The following ANKRD36 variants were observed in gnomAD, a reference collection of about 807,000 sequenced individuals.
The protein encoded by ANKRD36 is ankyrin repeat domain-containing protein 36A.
ANKRD36 carries 179 observed loss-of-function variants against 278.1 expected under a neutral mutation model. That is an observed-to-expected ratio of 0.64 (90% confidence interval 0.57 to 0.73). The LOEUF (loss-of-function observed/expected upper bound fraction) is 0.73, where lower values mean the gene tolerates loss of function less well. Among genes scored for constraint, ANKRD36 ranks in the 30% least tolerant of loss-of-function variants. The probability of loss-of-function intolerance (pLI) is 0.00; values close to 1 mark genes in which losing one functional copy is unlikely to be tolerated. For synonymous variants in ANKRD36, 320 were observed against 641.1 expected, an observed-to-expected ratio of 0.50 and a Z score of 7.57; for missense variants, 1,159 against 1,956.7, an observed-to-expected ratio of 0.59 and a Z score of 7.69.
chr2:97,211,436 C>G lies in ANKRD36; in HGVS notation c.3368-110C>G, dbSNP rs952703406. 3.3e-6 allele frequency: 5 copies of G among 1,500,876 alleles called. No homozygotes were observed. In the African/African-American group the frequency reaches 4.2e-5, roughly 13 times the overall value. The allele number at this position is 1,500,876 out of a possible 1,614,324, so 93.0% of individuals were successfully genotyped here. A position where few individuals can be genotyped will look rare whatever the true frequency, so the allele number is the denominator to read the frequency against. ...GACACAAAGTAGAAGCCGTCAAGGCCTACACTAATACAGGCTGGGGGACAG... is the reference window on the plus strand; with the variant it reads ...GACACAAAGTAGAAGCCGTCAAGGCGTACACTAATACAGGCTGGGGGACAG... On this transcript the variant is annotated intron_variant, in intron 56 of 75. Transcript: ENST00000420699.
rs555487536 is a variant in ANKRD36, at chr2:97,160,722, T to C, written c.1390-1377T>C. On this transcript the variant is annotated intron_variant, in intron 17 of 75. Transcript: ENST00000420699. ...TCAGAAAACCATATGAACTTTAAAA[T>C]AGGTTTTACATTTCTCTCTTATATT... Among the ~76,000 whole-genome samples, 3 of 152,208 alleles carry C rather than the reference T, an allele frequency of 2.0e-5. 1 individual carries two copies. Among genetic ancestry groups the C allele is most frequent in the Admixed American group, 2.0e-4 (3 of 15,244 alleles).
chr2:97,204,601 T>G, intron 50 of ANKRD36, among the ~76,000 whole-genome samples: 1 of 151,228 alleles, frequency 6.6e-6, no homozygotes, highest in Non-Finnish European at 1.5e-5. Flanking sequence ...AGTATAGAAT[T>G]AACACACTTC....
intron 38 of ANKRD36, among the ~76,000 whole-genome samples, chr2:97,194,305 A>T (rs980947106): frequency 1.3e-5 from 2 of 151,672 alleles, no homozygotes; most frequent in African/African-American, 4.8e-5. Flanking sequence ...AAGAGCATGA[A>T]AAATGTTTGT....
At chr2:97,176,900 G>A (rs1361974413) in intron 22 of ANKRD36, among the ~76,000 whole-genome samples, 1 of 151,708 alleles carries the variant, frequency 6.6e-6, no homozygotes, top group Non-Finnish European at 1.5e-5. Context: ...AGTTTGGCTG[G>A]ATATGAAAAT....
At chr2:97,135,748 T>A (rs1320856734) in intron 6 of ANKRD36, among the ~76,000 whole-genome samples, 2 of 151,856 alleles carry the variant, frequency 1.3e-5, no homozygotes, top group Non-Finnish European at 2.9e-5. Context: ...ACGATTCACA[T>A]CTTGGGCAGA....
At chr2:97,120,480 A>G (rs1208420094) in intron 3 of ANKRD36, among the ~76,000 whole-genome samples, 1 of 142,542 alleles carries the variant, frequency 7.0e-6, no homozygotes, top group Non-Finnish European at 1.6e-5. Context: ...TAAAAAAATT[A>G]GGTTACAATA....
At chr2:97,219,774 C>G (rs2066911660) in intron 66 of ANKRD36, among the ~76,000 whole-genome samples, 2 of 137,400 alleles carry the variant, frequency 1.5e-5, no homozygotes, top group African/African-American at 5.9e-5. Context: ...AACCACCATG[C>G]CTGGCCTAAA....
At chr2:97,217,128 C>A in intron 62 of ANKRD36, 49 bp from the exon 63 acceptor site, 4 of 1,537,214 alleles carry the variant, frequency 2.6e-6, no homozygotes, top group Non-Finnish European at 3.5e-6. Flanking sequence ...GTATGGACGA[C>A]TTTGTCATAT....
intron 22 of ANKRD36, among the ~76,000 whole-genome samples, chr2:97,179,404 T>C (rs1191094791): frequency 1.3e-5 from 2 of 151,544 alleles, no homozygotes; most frequent in Non-Finnish European, 3.0e-5. Context: ...TTCCCAGGAG[T>C]ATGAGTTGGA....
intron 1 of ANKRD36, 50 bp downstream of exon 1, chr2:97,113,986 A>G (rs1279865820): frequency 1.3e-6 from 2 of 1,541,702 alleles, no homozygotes; most frequent in African/African-American, 2.8e-5. Flanking sequence ...GTGGATGTGG[A>G]GAAGTACCCC....
intron 6 of ANKRD36, among the ~76,000 whole-genome samples, chr2:97,128,857 A>G (rs1458781381): frequency 2.0e-5 from 3 of 152,132 alleles, no homozygotes; most frequent in Non-Finnish European, 4.4e-5. Flanking sequence ...CATACATCCC[A>G]ACTCCCTCCA....
intron 48 of ANKRD36, among the ~76,000 whole-genome samples, chr2:97,203,849 A>T (rs1323324864): frequency 7.9e-5 from 12 of 151,810 alleles, no homozygotes; most frequent in Non-Finnish European, 1.5e-4. Flanking sequence ...ATGACAAATC[A>T]TACCATGTTT....
At chr2:97,114,417 CG>C (rs1476376758) in intron 1 of ANKRD36, among the ~76,000 whole-genome samples, 7 of 127,004 alleles carry the variant, frequency 5.5e-5, no homozygotes, top group Non-Finnish European at 9.9e-5. Flanking sequence ...GAAACCTTGG[CG>C]GGGGCGAGCA....
intron 66 of ANKRD36, among the ~76,000 whole-genome samples, chr2:97,220,789 T>TA (rs1330788370): frequency 7.1e-5 from 9 of 127,196 alleles, no homozygotes; most frequent in East Asian, 3.2e-4. Context: ...TTTTTTTTTT[T>TA]ATTATACTCT....
At chr2:97,151,962 A>G (rs1299439136) in intron 13 of ANKRD36, 23 bp downstream of exon 13, 12 of 1,414,958 alleles carry the variant, frequency 8.5e-6, no homozygotes, top group Middle Eastern at 3.5e-4. Flanking sequence ...AAGGCTGCCT[A>G]TTGTAGTATT....
chr2:97,161,017 T>C (rs1255683191), intron 17 of ANKRD36, among the ~76,000 whole-genome samples: 2 of 152,090 alleles, frequency 1.3e-5, no homozygotes, highest in African/African-American at 4.8e-5. Flanking sequence ...TTGTTTTCTT[T>C]TTATTTTCAA....
At chr2:97,173,936 C>A (rs1360154193) in intron 22 of ANKRD36, among the ~76,000 whole-genome samples, 1 of 150,162 alleles carries the variant, frequency 6.7e-6, no homozygotes. Context: ...CTGAGAGACC[C>A]CGATGGTATA....
chr2:97,130,870 C>T (rs2039963573), intron 6 of ANKRD36, among the ~76,000 whole-genome samples: 1 of 152,036 alleles, frequency 6.6e-6, no homozygotes, highest in African/African-American at 2.4e-5. Flanking sequence ...AGAGAATTAG[C>T]TACCTGTTCT....
At chr2:97,230,968 G>A (rs2071780446) in intron 67 of ANKRD36, among the ~76,000 whole-genome samples, 1 of 152,192 alleles carries the variant, frequency 6.6e-6, no homozygotes, top group Admixed American at 6.5e-5. Context: ...TTCATGAACC[G>A]CGAATGCTGC....
Sources: gnomAD v4.1 joint callset for allele counts (sites outside exome capture counted in the v4.1 genomes callset) on GRCh38, gnomAD v4.1.1 for gene constraint, MANE v1.5 for transcripts, NCBI Gene and HGNC (gene_info 2026-07-23, HGNC 2026-07-21) for gene names.